Variants in SMARCC1 observed in about 807,000 individuals in gnomAD.
SMARCC1 encodes the protein SWI/SNF complex subunit SMARCC1.
SMARCC1 carries 43 observed loss-of-function variants against 147.4 expected under a neutral mutation model. The ratio of observed to expected loss-of-function variants is 0.29; its 90% CI spans 0.23 to 0.38. The LOEUF is 0.38. SMARCC1 is among the 10% of genes least tolerant of loss of function. SMARCC1 has a pLI of 1.00. For synonymous variants in SMARCC1, 495 were observed against 484.4 expected (o/e 1.02, Z -0.29); for missense variants, 1,119 against 1,381.1 (o/e 0.81, Z 3.01).
chr3:47,599,233 A>C (rs1166505804), intron 26 of SMARCC1, among the ~76,000 whole-genome samples: 1 of 152,122 alleles, frequency 6.6e-6, no homozygotes, highest in Admixed American at 6.5e-5. Flanking sequence ...CTAATAATAC[A>C]ACAATTAGCC....
At chr3:47,610,573 T>C in intron 25 of SMARCC1, 1 of 524,630 alleles carries the variant, frequency 1.9e-6, no homozygotes, top group Non-Finnish European at 3.4e-6. Flanking sequence ...CCTTGCAATC[T>C]TCCCGCAGTA....
At position 47,680,117 on chromosome 3, in the gene SMARCC1, G is replaced by A. The variant is rs1216545815; in HGVS notation, c.1457+320C>T. The A allele has an allele frequency of 1.3e-5, 3 of 232,880 alleles. No homozygotes were observed. In the East Asian group the frequency reaches 4.0e-4, roughly 31 times the overall value. 14.4% of individuals were successfully genotyped at this position (232,880 alleles called of 1,614,324 possible). On this transcript the variant is annotated intron_variant, in intron 15 of 27. Transcript: ENST00000254480. ...GTGCCTGTAGTCCCAGCTACTTCAA[G>A]AGGCAGAGATGGGAGGATCCTTTGA...
At chr3:47,706,933 TAGG>T (rs1559650216) in intron 9 of SMARCC1, among the ~76,000 whole-genome samples, 1 of 152,212 alleles carries the variant, frequency 6.6e-6, no homozygotes, top group East Asian at 1.9e-4. Context: ...TGTAGCATTA[TAGG>T]AATTATTCTT....
At chr3:47,673,633 G>A (rs779418657) in intron 18 of SMARCC1, among the ~76,000 whole-genome samples, 1 of 152,140 alleles carries the variant, frequency 6.6e-6, no homozygotes, top group African/African-American at 2.4e-5. Flanking sequence ...AGGTTGCAGT[G>A]AGCCAACATC....
At position 47,655,984 on chromosome 3, in the gene SMARCC1, G is replaced by A. The variant is rs1032029580; in HGVS notation, c.2320+5310C>T. Among the ~76,000 whole-genome samples the A allele has an allele frequency of 5.3e-5, 8 of 152,164 alleles. No homozygotes were observed. In the South Asian group the frequency reaches 1.2e-3, roughly 24 times the overall value. ...TCCCAGCACTTTGGGAGGCCGAGAC[G>A]GGCGGATCACAAGGTCAGGAGTTCG... is the stretch of plus-strand genomic sequence containing the variant. On this transcript the variant is annotated intron_variant, in intron 21 of 27. Transcript: ENST00000254480.
At chr3:47,740,199 TTTTTTTTTTTTTA>T (rs1459417091) in intron 3 of SMARCC1, among the ~76,000 whole-genome samples, 1,446 of 132,860 alleles carry the variant, frequency 0.011, 18 homozygotes, top group Admixed American at 0.019. Context: ...TTTTTTTTTT[TTTTTTTTTTTTTA>T]AAAGACAGAC....
intron 2 of SMARCC1, among the ~76,000 whole-genome samples, chr3:47,767,824 C>T (rs573557127): frequency 5.9e-5 from 9 of 151,390 alleles, no homozygotes; most frequent in African/African-American, 1.2e-4. Flanking sequence ...GCCAAGACTG[C>T]GCCATTGCAC....
At chr3:47,650,479 TA>T (rs887491296) in intron 21 of SMARCC1, among the ~76,000 whole-genome samples, 1 of 151,782 alleles carries the variant, frequency 6.6e-6, no homozygotes, top group Non-Finnish European at 1.5e-5. Flanking sequence ...CCAAGTCATG[TA>T]AAAAAATATC....
intron 3 of SMARCC1, among the ~76,000 whole-genome samples, 197 bp downstream of exon 3, chr3:47,745,711 T>C (rs1225648181): frequency 6.6e-6 from 1 of 152,176 alleles, no homozygotes. Flanking sequence ...GTTGGTCCTA[T>C]TTTTAAGACC....
At chr3:47,699,671 T>C (rs977641042) in intron 11 of SMARCC1, among the ~76,000 whole-genome samples, 2 of 152,180 alleles carry the variant, frequency 1.3e-5, no homozygotes, top group African/African-American at 4.8e-5. Context: ...TATCTATGTA[T>C]ATACATATAT....
At chr3:47,754,437 G>A (rs1027356671) in intron 2 of SMARCC1, among the ~76,000 whole-genome samples, 27 of 152,050 alleles carry the variant, frequency 1.8e-4, no homozygotes, top group South Asian at 4.2e-4. Context: ...TCTTGACCTC[G>A]TGATCCACCA....
At chr3:47,750,092 A>AG (rs113797479) in intron 2 of SMARCC1, among the ~76,000 whole-genome samples, 93,956 of 150,404 alleles carry the variant, frequency 0.62, 30,163 homozygotes, top group East Asian at 0.72. Flanking sequence ...AAAAAAAAAA[A>AG]AAAGAAAATG....
chr3:47,606,862 C>G lies in SMARCC1; in HGVS notation c.3043+3204G>C, dbSNP rs981540877. ...AGCTAGGACTACAGGTATGCAGTACCACCACACCTGGCTACTTTTTTTTTT... is the reference window on the plus strand; with the variant it reads ...AGCTAGGACTACAGGTATGCAGTACGACCACACCTGGCTACTTTTTTTTTT... On this transcript the variant is annotated intron_variant, in intron 26 of 27. Coordinates refer to ENST00000254480, the MANE Select transcript of SMARCC1 (RefSeq NM_003074.4). Among the ~76,000 whole-genome samples, 8 of 150,226 alleles carry G rather than the reference C, an allele frequency of 5.3e-5. No individual in the cohort carries two copies. The East Asian group carries it at 1.2e-3, about 22-fold the overall frequency.
chr3:47,708,101 T>TTTTC (rs2034037706), intron 9 of SMARCC1, among the ~76,000 whole-genome samples: 3 of 117,938 alleles, frequency 2.5e-5, no homozygotes, highest in Admixed American at 8.9e-5. Context: ...TTTTTTTTTT[T>TTTTC]TTTTTTTTTT....
intron 24 of SMARCC1, among the ~76,000 whole-genome samples, chr3:47,625,288 CTTCT>C (rs1324237474): frequency 6.6e-6 from 1 of 151,726 alleles, no homozygotes; most frequent in Admixed American, 6.6e-5. Flanking sequence ...GGCAAAATCC[CTTCT>C]TTATTTTTCT....
intron 26 of SMARCC1, among the ~76,000 whole-genome samples, chr3:47,594,914 T>C (rs1178683819): frequency 6.6e-6 from 1 of 152,226 alleles, no homozygotes; most frequent in Non-Finnish European, 1.5e-5. Context: ...AAGATCTGCA[T>C]ACCTACATCC....
intron 26 of SMARCC1, among the ~76,000 whole-genome samples, chr3:47,596,040 T>C (rs1222781202): frequency 6.6e-6 from 1 of 150,810 alleles, no homozygotes; most frequent in Non-Finnish European, 1.5e-5. Context: ...GCCAGGTTTT[T>C]TTTTTTTCTT....
intron 15 of SMARCC1, 174 bp downstream of exon 15, chr3:47,680,263 C>G (rs1576409251): frequency 1.8e-6 from 1 of 559,612 alleles, no homozygotes; most frequent in South Asian, 2.0e-5. Context: ...AAAAACGAAA[C>G]TAGATACAAT....
intron 21 of SMARCC1, among the ~76,000 whole-genome samples, chr3:47,641,041 G>C (rs1301209429): frequency 6.6e-6 from 1 of 152,150 alleles, no homozygotes; most frequent in Non-Finnish European, 1.5e-5. Context: ...TCTCCAGAAG[G>C]CTGTTCTCAA....
Sources: gnomAD v4.1 joint callset for allele counts (sites outside exome capture counted in the v4.1 genomes callset) on GRCh38, gnomAD v4.1.1 for gene constraint, MANE v1.5 for transcripts, NCBI Gene and HGNC (gene_info 2026-07-23, HGNC 2026-07-21) for gene names.